WIF1: variants seen among roughly 807,000 people sequenced by gnomAD.
The protein encoded by WIF1 is Wnt inhibitory factor 1.
A neutral mutation model predicts 53.5 loss-of-function variants in WIF1; 35 were observed. That is an observed-to-expected ratio of 0.65 (90% confidence interval 0.50 to 0.87). The LOEUF (loss-of-function observed/expected upper bound fraction) is 0.87, where lower values mean the gene tolerates loss of function less well. Ranked by LOEUF, WIF1 falls within the 40% of genes least tolerant of loss-of-function variation. The pLI is 0.00. For missense variants in WIF1, 467 were observed against 476.8 expected, an observed-to-expected ratio of 0.98 and a Z score of 0.19; for synonymous variants, 171 against 170.4, an observed-to-expected ratio of 1.00 and a Z score of -0.03.
At chr12:65,060,240 A>G (rs1010117654) in intron 7 of WIF1, among the ~76,000 whole-genome samples, 1 of 152,346 alleles carries the variant, frequency 6.6e-6, no homozygotes, top group African/African-American at 2.4e-5. Flanking sequence ...AGCATCTCAC[A>G]CGCAGATTTT....
chr12:65,052,019 G>A (rs1882448633), intron 9 of WIF1, among the ~76,000 whole-genome samples: 1 of 152,188 alleles, frequency 6.6e-6, no homozygotes. Flanking sequence ...CTTATCAATA[G>A]AGATTTGTGT....
rs145922416 is a variant in WIF1, at chr12:65,090,792, A to G, written c.289-12938T>C. ...GTAAAGTAGGTGAAAATGTTGGCACATTGTAAGCATTCAACAAATGCTAGT... is the reference window on the plus strand; with the variant it reads ...GTAAAGTAGGTGAAAATGTTGGCACGTTGTAAGCATTCAACAAATGCTAGT... On this transcript the variant is annotated intron_variant, in intron 2 of 9. Transcript: ENST00000286574. Among the ~76,000 whole-genome samples, 33 of 152,312 alleles carry G rather than the reference A, an allele frequency of 2.2e-4. No individual in the cohort carries two copies. The East Asian group carries it at 6.4e-3, about 29-fold the overall frequency.
intron 2 of WIF1, among the ~76,000 whole-genome samples, chr12:65,089,719 A>G (rs1174637402): frequency 2.6e-5 from 4 of 152,172 alleles, no homozygotes; most frequent in Admixed American, 6.5e-5. Flanking sequence ...CCCACCAAGC[A>G]GACTTTGACT....
chr12:65,084,640 T>C (rs1296712617), intron 2 of WIF1, among the ~76,000 whole-genome samples: 1 of 152,222 alleles, frequency 6.6e-6, no homozygotes, highest in Non-Finnish European at 1.5e-5. Context: ...TTTCCAATGG[T>C]CTACTGGAGA....
chr12:65,092,979 T>C (rs1185190995), intron 2 of WIF1, among the ~76,000 whole-genome samples: 1 of 151,998 alleles, frequency 6.6e-6, no homozygotes, highest in African/African-American at 2.4e-5. Flanking sequence ...CTGAGAAGGG[T>C]CAACCATGTT....
At chr12:65,106,373 A>ATATAT (rs1555188075) in intron 2 of WIF1, among the ~76,000 whole-genome samples, 3 of 142,338 alleles carry the variant, frequency 2.1e-5, no homozygotes, top group African/African-American at 8.3e-5. Flanking sequence ...ATATATATAT[A>ATATAT]TTTTTTTTTA....
chr12:65,118,881 A>AGAGG (rs1883553210), intron 2 of WIF1, among the ~76,000 whole-genome samples: 1 of 151,804 alleles, frequency 6.6e-6, no homozygotes, highest in Non-Finnish European at 1.5e-5. Flanking sequence ...AGAGGGGGAG[A>AGAGG]GAGAGAGAGT....
intron 3 of WIF1, among the ~76,000 whole-genome samples, chr12:65,071,458 T>C (rs1278842434): frequency 1.3e-5 from 2 of 152,134 alleles, no homozygotes; most frequent in Non-Finnish European, 2.9e-5. Flanking sequence ...ACTAAAGATG[T>C]AGTATCTTCA....
chr12:65,101,894 T>A (rs1304256773), intron 2 of WIF1, among the ~76,000 whole-genome samples: 2 of 152,082 alleles, frequency 1.3e-5, no homozygotes, highest in African/African-American at 2.4e-5. Flanking sequence ...TGCCAGCATA[T>A]CCCCCAGCTT....
chr12:65,070,120 G>A (rs1882750216), intron 3 of WIF1, among the ~76,000 whole-genome samples: 1 of 152,110 alleles, frequency 6.6e-6, no homozygotes, highest in Non-Finnish European at 1.5e-5. Flanking sequence ...GCCCTTTTCT[G>A]TAAAGCATTG....
chr12:65,118,328 G>A (rs1391022412), intron 2 of WIF1, among the ~76,000 whole-genome samples: 1 of 152,120 alleles, frequency 6.6e-6, no homozygotes, highest in Non-Finnish European at 1.5e-5. Context: ...CAGAATTTCT[G>A]TGCATTTCAA....
At chr12:65,102,821 C>T (rs183389803) in intron 2 of WIF1, among the ~76,000 whole-genome samples, 2 of 152,250 alleles carry the variant, frequency 1.3e-5, no homozygotes, top group East Asian at 3.9e-4. Context: ...TAGTTTCAAT[C>T]ACATCTCTTA....
intron 4 of WIF1, among the ~76,000 whole-genome samples, chr12:65,068,250 C>G (rs1239839523): frequency 2.0e-5 from 3 of 151,978 alleles, no homozygotes; most frequent in African/African-American, 7.3e-5. Flanking sequence ...AAATGGGCAT[C>G]TGGGGTGTGG....
intron 2 of WIF1, among the ~76,000 whole-genome samples, chr12:65,105,742 G>A (rs936776964): frequency 7.2e-5 from 11 of 152,048 alleles, no homozygotes; most frequent in Admixed American, 5.9e-4. Context: ...ATAGATTCAT[G>A]AGGGATCTGC....
chr12:65,056,971 ACT>A (rs1354427653), intron 7 of WIF1, among the ~76,000 whole-genome samples: 1 of 152,094 alleles, frequency 6.6e-6, no homozygotes, highest in Non-Finnish European at 1.5e-5. Context: ...TTTGAATGTC[ACT>A]TTTTCTGAAA....
At chr12:65,063,281 G>C (rs1453212877) in intron 6 of WIF1, among the ~76,000 whole-genome samples, 4 of 152,158 alleles carry the variant, frequency 2.6e-5, no homozygotes, top group African/African-American at 9.7e-5. Flanking sequence ...CTCTCTCACA[G>C]TGTCAGTTTC....
In WIF1 at chr12:65,120,502, T is replaced by C. The variant is rs972037774; in HGVS notation, c.203A>G (p.His68Arg). The change falls in exon 2 of 10, where the codon CAT (histidine) becomes CGT (arginine). Residue 68 changes from histidine (H) to arginine (R), a missense_variant. His to Arg is a conservative substitution (Grantham distance 29). Transcript: ENST00000286574. ...TCTCTGTTGTGCTTTTCTGAAATCATGTGTAAAAGGTGCCATTTTCCCCTC... is the reference window on the plus strand; with the variant it reads ...TCTCTGTTGTGCTTTTCTGAAATCACGTGTAAAAGGTGCCATTTTCCCCTC... ...VSEGKMAPFTHDFRKAQQRMP... is the reference protein window; with the variant it reads ...VSEGKMAPFTRDFRKAQQRMP... 15 of 1,614,020 alleles carry C rather than the reference T, an allele frequency of 9.3e-6. No homozygotes were observed. In the African/African-American group the frequency reaches 2.0e-4, roughly 22 times the overall value.
chr12:65,120,617 G>A, intron 1 of WIF1, 61 bp from the exon 2 acceptor site: 1 of 1,553,204 alleles, frequency 6.4e-7, no homozygotes, highest in South Asian at 1.2e-5. Context: ...TAAATCAGAA[G>A]TTTCAAGCAA....
chr12:65,096,028 TA>T (rs1565757750), intron 2 of WIF1, among the ~76,000 whole-genome samples: 1 of 152,088 alleles, frequency 6.6e-6, no homozygotes, highest in Non-Finnish European at 1.5e-5. Flanking sequence ...GGGATCTAAA[TA>T]AACTAAAGAG....
Sources: allele counts gnomAD v4.1 joint callset (sites outside exome capture counted in the v4.1 genomes callset), GRCh38; gene constraint gnomAD v4.1.1; transcripts MANE v1.5; gene names NCBI Gene and HGNC (gene_info 2026-07-23, HGNC 2026-07-21).